Variants in FRMPD4 observed in about 807,000 individuals in gnomAD.
FRMPD4 encodes FERM and PDZ domain containing 4.
In FRMPD4, 22 loss-of-function variants were observed where a neutral mutation model predicts 94.1. The observed-to-expected ratio is 0.23, with a 90% confidence interval of 0.17 to 0.33. The LOEUF (loss-of-function observed/expected upper bound fraction) is 0.33, where lower values mean the gene tolerates loss of function less well. FRMPD4 is among the 10% of genes least tolerant of loss of function. FRMPD4 has a pLI of 1.00. For synonymous variants in FRMPD4, 631 were observed against 548.6 expected, an observed-to-expected ratio of 1.15 and a Z score of -2.10; for missense variants, 1,111 against 1,339.9, an observed-to-expected ratio of 0.83 and a Z score of 2.67.
chrX:11,888,607 T>G (rs2053858604), intron 3 of FRMPD4, among the ~76,000 whole-genome samples: 1 of 111,835 alleles, frequency 8.9e-6, no homozygotes, highest in Non-Finnish European at 1.9e-5. Context: ...TATCCAAGTT[T>G]AAGTTATACA....
intron 1 of FRMPD4, among the ~76,000 whole-genome samples, chrX:12,258,382 T>G (rs764185936): frequency 9.0e-6 from 1 of 110,890 alleles, no homozygotes; most frequent in Non-Finnish European, 1.9e-5. Flanking sequence ...GCGCCCCCAC[T>G]TCCCTGTCTT....
intron 3 of FRMPD4, among the ~76,000 whole-genome samples, chrX:12,003,153 C>G (rs2054532973): frequency 8.9e-6 from 1 of 111,930 alleles, no homozygotes; most frequent in Non-Finnish European, 1.9e-5. Context: ...CACCTCCTGT[C>G]ATTCCTACCT....
At chrX:11,942,428 A>C (rs1353730229) in intron 3 of FRMPD4, among the ~76,000 whole-genome samples, 3 of 111,022 alleles carry the variant, frequency 2.7e-5, no homozygotes, top group African/African-American at 9.8e-5. Flanking sequence ...TCATTACTTA[A>C]AGTGTAATGA....
At chrX:12,596,995 G>T (rs1380938300) in intron 2 of FRMPD4, among the ~76,000 whole-genome samples, 2 of 111,819 alleles carry the variant, frequency 1.8e-5, no homozygotes, top group African/African-American at 6.5e-5. Flanking sequence ...CTAAGCTTCA[G>T]TGTTCCTTGG....
chrX:12,006,727 T>C (rs2054556004), intron 3 of FRMPD4, among the ~76,000 whole-genome samples: 1 of 111,861 alleles, frequency 8.9e-6, no homozygotes, highest in Non-Finnish European at 1.9e-5. Context: ...AGACCATCAA[T>C]TTTCAGAGAG....
In FRMPD4 at chrX:12,224,920, A is replaced by G. The variant is rs1265772119; in HGVS notation, c.41+85908A>G. ...TTTTCCAAACTTGTGCCAGTTAGGA[A>G]ATGTCCATTTCCAATTTCTACAGGC... On this transcript the variant is annotated intron_variant, in intron 1 of 16. Transcript: ENST00000675598. 2.7e-5 allele frequency among the ~76,000 whole-genome samples: 3 copies of G among 112,032 alleles called. No homozygotes were observed. The East Asian group carries it at 8.4e-4, about 31-fold the overall frequency.
At chrX:12,514,708 A>G (rs1252324384) in intron 2 of FRMPD4, among the ~76,000 whole-genome samples, 13 of 112,042 alleles carry the variant, frequency 1.2e-4, no homozygotes, top group African/African-American at 3.9e-4. Flanking sequence ...TTTTGGTATC[A>G]GGATGATGCT....
At chrX:12,097,934 C>T (rs1236038808) in intron 3 of FRMPD4, among the ~76,000 whole-genome samples, 1 of 112,020 alleles carries the variant, frequency 8.9e-6, no homozygotes, top group African/African-American at 3.2e-5. Flanking sequence ...GGTTAGATAC[C>T]TAAGGGTAGA....
intron 3 of FRMPD4, among the ~76,000 whole-genome samples, chrX:12,095,749 CT>C (rs969107522): frequency 1.8e-5 from 2 of 112,374 alleles, no homozygotes; most frequent in African/African-American, 6.5e-5. Context: ...TAATGTCCCC[CT>C]ATGGGTCCTG....
Position 11,867,532 on chromosome X carries a change from C to G in FRMPD4, c.-30+2316C>G, listed in dbSNP as rs147566941. Among the ~76,000 whole-genome samples, 515 of 112,311 alleles carry G rather than the reference C, an allele frequency of 4.6e-3. 3 individuals are homozygous for G. Among genetic ancestry groups the G allele is most frequent in the Middle Eastern group, 9.1e-3 (2 of 219 alleles). On this transcript the variant is annotated intron_variant, in intron 2 of 18. Transcript: ENST00000640291. ...TCCAGTACCATACCTGATTCATAAC[C>G]TTCAGACATCCTGACTGAGAGAGGG... is the stretch of plus-strand genomic sequence containing the variant.
intron 1 of FRMPD4, among the ~76,000 whole-genome samples, chrX:12,231,010 GTATATATAGTA>G (rs1392441778): frequency 6.9e-4 from 27 of 39,146 alleles, no homozygotes; most frequent in Admixed American, 7.3e-4. Context: ...ATAATATATA[GTATATATAGTA>G]TATATATAGT....
chrX:11,999,360 A>G (rs920160309), intron 3 of FRMPD4, among the ~76,000 whole-genome samples: 1 of 112,137 alleles, frequency 8.9e-6, no homozygotes, highest in African/African-American at 3.2e-5. Context: ...CACCATCTCT[A>G]TGATAAGCAT....
At chrX:12,070,541 A>G (rs886739285) in intron 3 of FRMPD4, among the ~76,000 whole-genome samples, 4 of 111,523 alleles carry the variant, frequency 3.6e-5, no homozygotes, top group African/African-American at 1.3e-4. Flanking sequence ...GCCATTGTTC[A>G]AATCTCTAGC....
chrX:12,718,086 G>A lies in FRMPD4; in HGVS notation c.3260G>A (p.Arg1087His), dbSNP rs769071295. 9.8e-5 allele frequency: 118 copies of A among 1,209,046 alleles called. No individual in the cohort carries two copies. The highest frequency in any genetic ancestry group is 1.0e-4 in the Non-Finnish European group (92 of 894,097). ...TTTAATCTGGAGAGAACTGCCTTTC[G>A]CAAGGACAGTCAAAGATGGTATGTG... Reference protein sequence around the residue: ...STFNLERTAFRKDSQRWYVAT... With the variant: ...STFNLERTAFHKDSQRWYVAT... Residue 1087 changes from arginine (R) to histidine (H), a missense_variant, in exon 16 of 17, where the codon CGC (arginine) becomes CAC (histidine). Arg to His is a conservative substitution (Grantham distance 29). Coordinates refer to ENST00000675598, the MANE Select transcript of FRMPD4 (RefSeq NM_001368397.1).
At chrX:11,857,162 C>T (rs984140031) in intron 1 of FRMPD4, among the ~76,000 whole-genome samples, 13 of 111,589 alleles carry the variant, frequency 1.2e-4, no homozygotes, top group Admixed American at 1.9e-4. Flanking sequence ...AATGCTATTC[C>T]TATTAAACTA....
intron 3 of FRMPD4, among the ~76,000 whole-genome samples, chrX:12,132,999 G>A (rs963435389): frequency 9.1e-6 from 1 of 110,151 alleles, no homozygotes; most frequent in African/African-American, 3.3e-5. Context: ...ATGTTTGAAT[G>A]CACATGGGAA....
At chrX:12,708,242 C>T (rs1185312334) in intron 13 of FRMPD4, among the ~76,000 whole-genome samples, 1 of 110,500 alleles carries the variant, frequency 9.0e-6, no homozygotes, top group African/African-American at 3.3e-5. Context: ...GAGGCCGAGG[C>T]GGGCGGATCA....
intron 1 of FRMPD4, among the ~76,000 whole-genome samples, chrX:12,347,308 G>A (rs2055728449): frequency 9.0e-6 from 1 of 110,976 alleles, no homozygotes; most frequent in African/African-American, 3.3e-5. Context: ...CGTGACCATA[G>A]CTCACTGCAG....
At chrX:12,277,463 C>T (rs145353531) in intron 1 of FRMPD4, among the ~76,000 whole-genome samples, 1,268 of 111,949 alleles carry the variant, frequency 0.011, 17 homozygotes, top group African/African-American at 0.039. Context: ...TTGGGCTAGG[C>T]GGCCCATGGT....
Sources: allele counts gnomAD v4.1 joint callset (sites outside exome capture counted in the v4.1 genomes callset), GRCh38; gene constraint gnomAD v4.1.1; transcripts MANE v1.5; gene names NCBI Gene and HGNC (gene_info 2026-07-23, HGNC 2026-07-21).